The following TCF20 variants were observed in gnomAD, a reference collection of about 807,000 sequenced individuals.
The protein encoded by TCF20 is SPRE-binding protein.
TCF20 carries 3 observed loss-of-function variants against 148.6 expected under a neutral mutation model. The observed-to-expected ratio is 0.02, with a 90% CI of 0.01 to 0.05. The LOEUF is 0.05. TCF20 is among the 10% of genes least tolerant of loss of function. The pLI is 1.00. For missense variants in TCF20, 2,350 were observed against 2,429.3 expected, an observed-to-expected ratio of 0.97 and a Z score of 0.69; for synonymous variants, 1,049 against 909.5, an observed-to-expected ratio of 1.15 and a Z score of -2.76.
Position 42,213,621 on chromosome 22 carries a change from T to C in TCF20, c.1685A>G (p.Gln562Arg). 1 of 1,614,138 alleles carries C rather than the reference T, an allele frequency of 6.2e-7. No individual in the cohort carries two copies. Among genetic ancestry groups the C allele is most frequent in the Non-Finnish European group, 8.5e-7 (1 of 1,180,042 alleles). Residue 562 changes from glutamine to arginine, a missense_variant, in exon 2 of 6, where the codon CAA becomes CGA. By Grantham distance (43) the Gln-to-Arg change is conservative (BLOSUM62 1). This residue lies in a region of TCF20 where 1,641 missense variants were observed against 1,662.6 expected (regional missense o/e 0.99). Transcript: ENST00000677622. ...TCTGGGGGGTTCATTCTGAGCACCT[T>C]GTGCCGGTGAGGAGCCAGCTTTCTC... Reference protein sequence around the residue: ...ASEKAGSSPAQGAQNEPPRLN... With the variant: ...ASEKAGSSPARGAQNEPPRLN...
rs1392013775 is a variant in TCF20 at position 42,317,278 on chromosome 22, C to G, written c.-37+26201G>C. 1.3e-5 allele frequency among the ~76,000 whole-genome samples: 2 copies of G among 152,194 alleles called. No individual in the cohort carries two copies. Among genetic ancestry groups the G allele is most frequent in the Non-Finnish European group, 2.9e-5 (2 of 68,042 alleles). On this transcript the variant is annotated intron_variant, in intron 1 of 1. Transcript: ENST00000515426. The surrounding 1 kb of genome is among the most constrained non-coding windows in gnomAD (Gnocchi z 4.2). ...AATGTCGGAGGTTCAGCCAAGAGCC[C>G]TAGCGTGGAAATCACCACACTGAAG...
At chr22:42,184,489 A>G (rs1936950275) in intron 2 of TCF20, among the ~76,000 whole-genome samples, 1 of 152,194 alleles carries the variant, frequency 6.6e-6, no homozygotes, top group Admixed American at 6.5e-5. Context: ...ACAATTTCTA[A>G]TTAAATTTTT....
chr22:42,231,379 G>A (rs779590511), intron 1 of TCF20, among the ~76,000 whole-genome samples: 13 of 152,076 alleles, frequency 8.5e-5, no homozygotes, highest in Non-Finnish European at 1.6e-4. Flanking sequence ...AGCTACTCAG[G>A]AGGCTTAAGT....
intron 1 of TCF20, among the ~76,000 whole-genome samples, chr22:42,314,367 A>G (rs2147044368): frequency 6.6e-6 from 1 of 152,362 alleles, no homozygotes; most frequent in East Asian, 1.9e-4. Context: ...CAGAGCGCCG[A>G]TGGGCTCTCA....
intron 1 of TCF20, among the ~76,000 whole-genome samples, chr22:42,258,777 T>C (rs1288705462): frequency 6.6e-6 from 1 of 152,168 alleles, no homozygotes; most frequent in Admixed American, 6.5e-5. Context: ...GTTATGATAT[T>C]CAGTAGGCCA....
chr22:42,325,990 C>G (rs1927868563), intron 1 of TCF20, among the ~76,000 whole-genome samples: 1 of 152,152 alleles, frequency 6.6e-6, no homozygotes, highest in Non-Finnish European at 1.5e-5. Context: ...TGGTTGTTGT[C>G]ACAGGACATC....
At chr22:42,308,292 G>A (rs555230900) in intron 1 of TCF20, among the ~76,000 whole-genome samples, 10 of 152,256 alleles carry the variant, frequency 6.6e-5, no homozygotes, top group Non-Finnish European at 1.2e-4. Flanking sequence ...AGAGCTCGAG[G>A]AGGAAAATGT....
rs1921770594 is a variant in TCF20 at position 42,216,107 on chromosome 22, T to TG, written c.-36-767dup. The stretch of plus-strand genomic sequence containing the variant: ...TTTTTTTTTTTTTTTTTTTTTTTTT[T>TG]GAGACAAGGTCTCACTCTTGCCCAG... On this transcript the variant is annotated intron_variant, in intron 1 of 5. Transcript: ENST00000677622. Among the ~76,000 whole-genome samples the TG allele has an allele frequency of 6.5e-5, 9 of 139,308 alleles. No homozygotes were observed. In the South Asian group the frequency reaches 1.9e-3, roughly 29 times the overall value. 91.4% of individuals were successfully genotyped at this position (139,308 alleles called of 152,430 possible).
At chr22:42,284,204 G>A (rs1601692702), upstream of TCF20, among the ~76,000 whole-genome samples, 1 of 152,198 alleles carries the variant, frequency 6.6e-6, no homozygotes. Context: ...GTGGAGGGGG[G>A]CAGGGGAGGG....
At chr22:42,171,736 G>A (rs926185438) in intron 3 of TCF20, among the ~76,000 whole-genome samples, 9 of 152,358 alleles carry the variant, frequency 5.9e-5, no homozygotes, top group Admixed American at 4.6e-4. Flanking sequence ...CAGGGGATAT[G>A]CTCTCTTCTT....
rs1927291944 is a variant in TCF20 at position 42,299,396 on chromosome 22, C to T, written c.-37+44083G>A. ...ACAGTCCTTACCTTGCTCTCCCTCC[C>T]CATGGACTCTCTCTCCCATCTCCCC... On this transcript the variant is annotated intron_variant, in intron 1 of 1. Coordinates refer to the TCF20 transcript ENST00000515426. This position sits in a 1 kb window ranked among gnomAD's most constrained non-coding sequence, Gnocchi z 4.1. 6.6e-6 allele frequency among the ~76,000 whole-genome samples: 1 copy of T among 152,148 alleles called. No homozygotes were observed. The highest frequency in any genetic ancestry group is 1.5e-5 in the Non-Finnish European group (1 of 68,022).
chr22:42,293,409 G>A (rs1369384596), intron 1 of TCF20, among the ~76,000 whole-genome samples: 5 of 152,258 alleles, frequency 3.3e-5, no homozygotes, highest in Admixed American at 2.0e-4. Flanking sequence ...AAACCAGGTG[G>A]TTTCCTGGAG....
intron 1 of TCF20, among the ~76,000 whole-genome samples, chr22:42,340,256 G>T (rs1002421689): frequency 2.0e-5 from 3 of 152,194 alleles, no homozygotes; most frequent in Non-Finnish European, 2.9e-5. Context: ...CTGTCAGAGG[G>T]CAAGGCCACA....
chr22:42,249,698 A>G (rs1428656949), intron 1 of TCF20, among the ~76,000 whole-genome samples: 1 of 152,260 alleles, frequency 6.6e-6, no homozygotes, highest in African/African-American at 2.4e-5. Flanking sequence ...TGAAGATCGC[A>G]GAAGTGAAAA....
intron 2 of TCF20, among the ~76,000 whole-genome samples, chr22:42,194,437 T>TCAA (rs1937494909): frequency 6.6e-6 from 1 of 152,204 alleles, no homozygotes; most frequent in Non-Finnish European, 1.5e-5. Flanking sequence ...ACAGATACTA[T>TCAA]CAACAACCCC....
intron 1 of TCF20, among the ~76,000 whole-genome samples, chr22:42,324,400 T>C (rs940400772): frequency 1.3e-5 from 2 of 152,008 alleles, no homozygotes; most frequent in African/African-American, 4.8e-5. Context: ...GAAGTAGTGA[T>C]AGAAGAAAAT....
chr22:42,194,926 T>C (rs778569588), intron 2 of TCF20, among the ~76,000 whole-genome samples: 10 of 151,876 alleles, frequency 6.6e-5, no homozygotes, highest in South Asian at 4.2e-4. Flanking sequence ...ACAGTATCCA[T>C]AGACCATGCC....
At chr22:42,336,674 C>T (rs1928073280) in intron 1 of TCF20, among the ~76,000 whole-genome samples, 1 of 152,216 alleles carries the variant, frequency 6.6e-6, no homozygotes. Flanking sequence ...TCCACACACA[C>T]ACCTATCCAC....
chr22:42,302,435 C>G (rs1022118454), intron 1 of TCF20, among the ~76,000 whole-genome samples: 2 of 152,176 alleles, frequency 1.3e-5, no homozygotes, highest in Admixed American at 6.5e-5. Context: ...GTTCCTCTAC[C>G]CTCAAAGAGC....
Sources: allele counts gnomAD v4.1 joint callset (sites outside exome capture counted in the v4.1 genomes callset), GRCh38; gene constraint gnomAD v4.1.1; regional missense constraint gnomAD v4.1.1; non-coding constraint Gnocchi (gnomAD v3.1); transcripts MANE v1.5; gene names NCBI Gene and HGNC (gene_info 2026-07-23, HGNC 2026-07-21).